The following IL1RN variants were observed in gnomAD, a reference collection of about 807,000 sequenced individuals.
IL1RN encodes interleukin-1 receptor antagonist protein.
A neutral mutation model predicts 13.7 loss-of-function variants in IL1RN; 10 were observed. The observed-to-expected ratio is 0.73, with a 90% CI of 0.45 to 1.24. IL1RN has a LOEUF of 1.24. Ranked by LOEUF, IL1RN falls within the 50% of genes most tolerant of loss-of-function variation. IL1RN has a pLI of 0.00. For synonymous variants in IL1RN, 102 were observed against 82.7 expected, an observed-to-expected ratio of 1.23 and a Z score of -1.27; for missense variants, 213 against 222.1, an observed-to-expected ratio of 0.96 and a Z score of 0.26.
chr2:113,114,336 AAAT>A (rs1241929100), upstream of IL1RN, among the ~76,000 whole-genome samples: 3 of 152,124 alleles, frequency 2.0e-5, no homozygotes, highest in Non-Finnish European at 2.9e-5. Flanking sequence ...AGCAGTTACC[AAAT>A]GCCTCGCCCC....
intron 1 of IL1RN, among the ~76,000 whole-genome samples, chr2:113,128,823 C>T (rs1368835954): frequency 3.3e-5 from 5 of 152,154 alleles, no homozygotes; most frequent in African/African-American, 7.2e-5. Flanking sequence ...CTGTTTATTA[C>T]GTCTCACAGC....
upstream of IL1RN, among the ~76,000 whole-genome samples, chr2:113,102,573 G>A (rs1229277273): frequency 7.2e-5 from 11 of 152,224 alleles, no homozygotes; most frequent in Admixed American, 7.2e-4. Flanking sequence ...GGCTTTGTGT[G>A]AGCAACAAGG....
chr2:113,117,649 C>T (rs750095083), upstream of IL1RN: 44 of 416,182 alleles, frequency 1.1e-4, no homozygotes, highest in South Asian at 7.2e-4. Context: ...CATGAGCTGG[C>T]GGCAGTCGGG....
intron 3 of IL1RN, 73 bp from the exon 4 acceptor site, chr2:113,132,583 C>T (rs879030919): frequency 8.8e-6 from 12 of 1,365,266 alleles, no homozygotes; most frequent in Admixed American, 1.7e-5. Context: ...CATTTCATGG[C>T]GTGGAGTGGA....
upstream of IL1RN, among the ~76,000 whole-genome samples, chr2:113,124,644 C>T (rs548401665): frequency 1.3e-3 from 197 of 152,260 alleles, 4 homozygotes; most frequent in African/African-American, 4.5e-3. Flanking sequence ...AGGGTCAGGG[C>T]ATGATTCATC....
chr2:113,129,719 C>T, intron 2 of IL1RN, 55 bp downstream of exon 2: 1 of 1,094,202 alleles, frequency 9.1e-7, no homozygotes, highest in Non-Finnish European at 1.4e-6. Flanking sequence ...CTTTGCCCGT[C>T]TGTCTGCAGC....
At chr2:113,099,728 C>CTTTTTTTTTTTT in the IL1RN span, among the ~76,000 whole-genome samples, 6 of 41,468 alleles carry the variant, frequency 1.4e-4, no homozygotes, top group East Asian at 1.2e-3. Context: ...TCTTTCTTTT[C>CTTTTTTTTTTTT]TTTTTTTTTT....
At chr2:113,108,840 TAA>T (rs1404242929), upstream of IL1RN, among the ~76,000 whole-genome samples, 4 of 152,070 alleles carry the variant, frequency 2.6e-5, 1 homozygote, top group Non-Finnish European at 5.9e-5. Context: ...TAAGACAAAT[TAA>T]AATGTTAAGC....
intron 3 of IL1RN, 138 bp downstream of exon 3, chr2:113,131,295 CT>C: frequency 1.4e-6 from 1 of 699,662 alleles, no homozygotes; most frequent in Non-Finnish European, 2.6e-6. Flanking sequence ...GCTGGGGTCA[CT>C]TTGGAAGCTG....
At chr2:113,122,492 G>A (rs4251992) in intron 2 of IL1RN, among the ~76,000 whole-genome samples, 1,595 of 152,242 alleles carry the variant, frequency 0.01, 35 homozygotes, top group African/African-American at 0.036. Flanking sequence ...GAAATTATCC[G>A]TGGTGGGAGT....
chr2:113,131,698 C>T (rs2104460216), intron 3 of IL1RN, among the ~76,000 whole-genome samples: 1 of 152,248 alleles, frequency 6.6e-6, no homozygotes, highest in East Asian at 1.9e-4. Context: ...CTAGCAAAGC[C>T]CATCCTCAGG....
rs752268718 is a variant in IL1RN, at chr2:113,127,676, C to G, written c.52C>G (p.Leu18Val). The change falls in exon 1 of 4, where the codon CTG (leucine) becomes GTG (valine). Residue 18 changes from leucine (L) to valine (V), a missense_variant. By Grantham distance (32) the Leu-to-Val change is conservative (BLOSUM62 1). Coordinates refer to ENST00000409930, the MANE Select transcript of IL1RN (RefSeq NM_173842.3). The stretch of plus-strand genomic sequence containing the variant: ...TCACCTAATCACTCTCCTCCTCTTC[C>G]TGTTCCATTCAGAGACGATCTGCCG... ...RSHLITLLLF[L>V]FHSETICRPS... is the part of the protein sequence containing the mutation. 1 of 1,614,132 alleles carries G rather than the reference C, an allele frequency of 6.2e-7. No individual in the cohort carries two copies. The highest frequency in any genetic ancestry group is 8.5e-7 in the Non-Finnish European group (1 of 1,180,004).
At chr2:113,127,778 C>T in intron 1 of IL1RN, 38 bp downstream of exon 1, 3 of 1,599,208 alleles carry the variant, frequency 1.9e-6, no homozygotes, top group Non-Finnish European at 1.7e-6. Flanking sequence ...GAGGGTGGAT[C>T]AGCTGGAGAC....
In IL1RN at chr2:113,129,573, C is replaced by G; in HGVS notation, c.117-3C>G. 6.2e-7 allele frequency: 1 copy of G among 1,601,444 alleles called. No individual in the cohort carries two copies. ...ACTACAGCTGAGTCCTTTTCCTTTTCAGAATCTGGGATGTTAACCAGAAGA... is the reference window on the plus strand; with the variant it reads ...ACTACAGCTGAGTCCTTTTCCTTTTGAGAATCTGGGATGTTAACCAGAAGA... On this transcript the variant is annotated splice_polypyrimidine_tract_variant and splice_region_variant and intron_variant, in intron 1 of 3. Coordinates refer to ENST00000409930, the MANE Select transcript of IL1RN (RefSeq NM_173842.3).
rs1687239142 is a variant in IL1RN at position 113,133,258 on chromosome 2, T to G, written c.*387T>G. 6 of 316,538 alleles carry G rather than the reference T, an allele frequency of 1.9e-5. No homozygotes were observed. Among genetic ancestry groups the G allele is most frequent in the South Asian group, 1.9e-4 (6 of 31,854 alleles). 19.6% of individuals were successfully genotyped at this position (316,538 alleles called of 1,614,324 possible). On this transcript the variant is annotated 3_prime_UTR_variant, in exon 4 of 4. Coordinates refer to ENST00000409930, the MANE Select transcript of IL1RN (RefSeq NM_173842.3). The stretch of plus-strand genomic sequence containing the variant: ...GGCCACTTGATGACCCCCAACCAAG[T>G]GGCTCCCACACCCTGTTTTACAAAA...
upstream of IL1RN, among the ~76,000 whole-genome samples, chr2:113,115,194 C>T (rs1686569319): frequency 6.6e-6 from 1 of 152,148 alleles, no homozygotes; most frequent in Admixed American, 6.5e-5. Context: ...CTTGCTCTGA[C>T]CTTGTGTGTC....
upstream of IL1RN, among the ~76,000 whole-genome samples, chr2:113,106,787 A>C (rs1299550743): frequency 6.6e-6 from 1 of 152,232 alleles, no homozygotes; most frequent in African/African-American, 2.4e-5. Context: ...AACCAGACTT[A>C]TCAGATTCAG....
chr2:113,106,713 A>C (rs2104419319), upstream of IL1RN, among the ~76,000 whole-genome samples: 1 of 152,330 alleles, frequency 6.6e-6, no homozygotes, highest in African/African-American at 2.4e-5. Context: ...TCAGGCATGA[A>C]GTGGTCCCAG....
upstream of IL1RN, among the ~76,000 whole-genome samples, chr2:113,124,681 T>C (rs943852436): frequency 2.0e-5 from 3 of 152,142 alleles, no homozygotes; most frequent in Admixed American, 2.0e-4. Flanking sequence ...TCAATCCTTA[T>C]AGTAACCGAT....
Sources: gnomAD v4.1 joint callset for allele counts (sites outside exome capture counted in the v4.1 genomes callset) on GRCh38, gnomAD v4.1.1 for gene constraint, MANE v1.5 for transcripts, NCBI Gene and HGNC (gene_info 2026-07-23, HGNC 2026-07-21) for gene names.